Variants in NALF1 observed in about 807,000 individuals in gnomAD.
NALF1 encodes the protein NALCN channel auxiliary factor 1.
NALF1 carries 3 observed loss-of-function variants against 48.4 expected under a neutral mutation model. The ratio of observed to expected loss-of-function variants is 0.06; its 90% CI spans 0.03 to 0.16. The LOEUF is 0.16. Among genes scored for constraint, NALF1 ranks in the 10% least tolerant of loss-of-function variants. NALF1 has a pLI of 1.00. For missense variants in NALF1, 526 were observed against 571.5 expected, an observed-to-expected ratio of 0.92 and a Z score of 0.81; for synonymous variants, 262 against 245.7, an observed-to-expected ratio of 1.07 and a Z score of -0.62.
intron 1 of NALF1, among the ~76,000 whole-genome samples, chr13:107,400,917 C>A (rs1265938889): frequency 6.6e-6 from 1 of 151,896 alleles, no homozygotes; most frequent in Non-Finnish European, 1.5e-5. Context: ...CACACTTTTC[C>A]CCAGTGAAAT....
intron 1 of NALF1, among the ~76,000 whole-genome samples, chr13:107,358,753 T>G (rs1010669388): frequency 6.6e-6 from 1 of 152,192 alleles, no homozygotes; most frequent in African/African-American, 2.4e-5. Context: ...ATGTGACATC[T>G]TGAAATCCAT....
chr13:107,495,621 G>T lies in NALF1; in HGVS notation c.916-284866C>A, dbSNP rs541808491. Among the ~76,000 whole-genome samples the T allele has an allele frequency of 3.9e-5, 6 of 152,184 alleles. No individual in the cohort carries two copies. The South Asian group carries it at 1.2e-3, about 32-fold the overall frequency. On this transcript the variant is annotated intron_variant, in intron 1 of 2. Coordinates refer to ENST00000375915, the MANE Select transcript of NALF1 (RefSeq NM_001080396.3). ...TGATTTGATTTCCAGTGGTGTTGAG[G>T]TTTTCATAATTAAAGTTGTGGTTAC...
chr13:107,188,405 A>G (rs1167260901), intron 2 of NALF1, among the ~76,000 whole-genome samples: 1 of 152,144 alleles, frequency 6.6e-6, no homozygotes, highest in African/African-American at 2.4e-5. Context: ...AAACAATAAG[A>G]GAGGCCAATC....
At chr13:107,609,036 T>G (rs934685163) in intron 1 of NALF1, among the ~76,000 whole-genome samples, 14 of 152,180 alleles carry the variant, frequency 9.2e-5, no homozygotes, top group African/African-American at 2.9e-4. Context: ...GAGCCCCAGT[T>G]GTGTACAAGA....
intron 1 of NALF1, among the ~76,000 whole-genome samples, chr13:107,768,286 A>C (rs146416274): frequency 5.4e-4 from 82 of 152,348 alleles, no homozygotes; most frequent in African/African-American, 1.9e-3. Context: ...TATGGCTCTG[A>C]CATGCTAAAT....
intron 1 of NALF1, among the ~76,000 whole-genome samples, chr13:107,388,169 A>G (rs1357928068): frequency 6.6e-6 from 1 of 152,226 alleles, no homozygotes; most frequent in Non-Finnish European, 1.5e-5. Flanking sequence ...TTTCCCTTAT[A>G]GTACTTAATC....
chr13:107,379,637 G>T (rs939721516), intron 1 of NALF1, among the ~76,000 whole-genome samples: 1 of 152,084 alleles, frequency 6.6e-6, no homozygotes. Flanking sequence ...CTGTGCTCAG[G>T]ACTCCAGGAG....
chr13:107,587,031 G>T (rs1235453728), intron 1 of NALF1, among the ~76,000 whole-genome samples: 1 of 151,904 alleles, frequency 6.6e-6, no homozygotes, highest in Non-Finnish European at 1.5e-5. Context: ...CTCAGTTTTG[G>T]ACCTTTACTC....
intron 1 of NALF1, among the ~76,000 whole-genome samples, chr13:107,308,000 C>T (rs1881970422): frequency 6.6e-6 from 1 of 151,976 alleles, no homozygotes; most frequent in South Asian, 2.1e-4. Context: ...CTGGCATTAA[C>T]GCTGTCATGA....
chr13:107,609,524 GC>G lies in NALF1; in HGVS notation c.915+256157del, dbSNP rs534752359. Among the ~76,000 whole-genome samples, 13 of 152,282 alleles carry G rather than the reference GC, an allele frequency of 8.5e-5. No homozygotes were observed. In the South Asian group the frequency reaches 2.1e-3, roughly 24 times the overall value. On this transcript the variant is annotated intron_variant, in intron 1 of 2. Transcript: ENST00000375915. ...CAAGAGCCTTGTGAGCCTGGTCTGA[GC>G]CTTGCACAGCCACTGAGTATTTTTT...
chr13:107,758,493 G>A (rs1046941707), intron 1 of NALF1, among the ~76,000 whole-genome samples: 5 of 152,128 alleles, frequency 3.3e-5, no homozygotes, highest in Admixed American at 1.3e-4. Flanking sequence ...AGGCTGAGGC[G>A]GGCGGATCAT....
intron 2 of NALF1, among the ~76,000 whole-genome samples, chr13:107,172,945 G>C (rs990939377): frequency 6.6e-6 from 1 of 151,878 alleles, no homozygotes; most frequent in African/African-American, 2.4e-5. Context: ...CTTTTTGTCT[G>C]GCACAATTAA....
intron 1 of NALF1, among the ~76,000 whole-genome samples, chr13:107,554,970 GGGA>G (rs1877414735): frequency 1.3e-5 from 2 of 152,012 alleles, no homozygotes; most frequent in African/African-American, 4.8e-5. Context: ...AACCTGTCCG[GGGA>G]GGCCTCTGCT....
chr13:107,233,247 T>C (rs1402658039), intron 1 of NALF1, among the ~76,000 whole-genome samples: 1 of 152,214 alleles, frequency 6.6e-6, no homozygotes, highest in Non-Finnish European at 1.5e-5. Flanking sequence ...AAAAATTCCA[T>C]ATACCAGCAA....
intron 1 of NALF1, among the ~76,000 whole-genome samples, chr13:107,336,925 T>C (rs1882568647): frequency 6.6e-6 from 1 of 151,892 alleles, no homozygotes; most frequent in South Asian, 2.1e-4. Flanking sequence ...TAATGATCAA[T>C]TGAATGAAAA....
chr13:107,805,507 G>A (rs1002630877), intron 1 of NALF1, among the ~76,000 whole-genome samples: 6 of 151,908 alleles, frequency 3.9e-5, no homozygotes, highest in Admixed American at 3.9e-4. Flanking sequence ...ACTCTCCCAG[G>A]AGCTCTTTTG....
intron 1 of NALF1, among the ~76,000 whole-genome samples, chr13:107,235,342 C>A (rs1432475011): frequency 6.6e-6 from 1 of 152,000 alleles, no homozygotes; most frequent in African/African-American, 2.4e-5. Context: ...TTGTCAACAC[C>A]TACTTTTCTT....
chr13:107,296,723 T>C (rs192419971), intron 1 of NALF1, among the ~76,000 whole-genome samples: 2 of 152,202 alleles, frequency 1.3e-5, no homozygotes, highest in African/African-American at 4.8e-5. Context: ...AGTTGCAATG[T>C]ACAAAGGCGA....
intron 1 of NALF1, among the ~76,000 whole-genome samples, chr13:107,213,529 T>A (rs1192195639): frequency 6.6e-6 from 1 of 152,048 alleles, no homozygotes; most frequent in Non-Finnish European, 1.5e-5. Flanking sequence ...AGAAAACAAG[T>A]GGGGGAAACC....
Sources: allele counts gnomAD v4.1 joint callset (sites outside exome capture counted in the v4.1 genomes callset), GRCh38; gene constraint gnomAD v4.1.1; transcripts MANE v1.5; gene names NCBI Gene and HGNC (gene_info 2026-07-23, HGNC 2026-07-21).